The following VPS13B variants were observed in gnomAD, a reference collection of about 807,000 sequenced individuals.
VPS13B encodes intermembrane lipid transfer protein VPS13B.
In VPS13B, 285 loss-of-function variants were observed where a neutral mutation model predicts 426.4. The ratio of observed to expected loss-of-function variants is 0.67; its 90% CI spans 0.61 to 0.74. VPS13B has a LOEUF of 0.74. Among genes scored for constraint, VPS13B ranks in the 30% least tolerant of loss-of-function variants. The pLI, the probability that VPS13B is intolerant of heterozygous loss-of-function variation, is 0.00. For synonymous variants in VPS13B, 1,676 were observed against 1,676.4 expected (o/e 1.00, Z 0.01); for missense variants, 4,537 against 4,782.6 (o/e 0.95, Z 1.51).
intron 3 of VPS13B, among the ~76,000 whole-genome samples, chr8:99,071,083 G>T (rs1844828721): frequency 6.6e-6 from 1 of 152,064 alleles, no homozygotes; most frequent in Non-Finnish European, 1.5e-5. Context: ...CTTCAGGATT[G>T]GTCATTGGTG....
At chr8:99,171,050 C>G (rs973610540) in intron 16 of VPS13B, among the ~76,000 whole-genome samples, 8 of 151,558 alleles carry the variant, frequency 5.3e-5, no homozygotes, top group African/African-American at 1.7e-4. Context: ...AAAATAATCG[C>G]TCATATTTTC....
At chr8:99,439,192 A>G (rs1477916322) in intron 22 of VPS13B, among the ~76,000 whole-genome samples, 6 of 152,180 alleles carry the variant, frequency 3.9e-5, no homozygotes, top group African/African-American at 7.2e-5. Context: ...TTTCATTACC[A>G]TATCTGATGA....
intron 24 of VPS13B, among the ~76,000 whole-genome samples, chr8:99,478,598 C>T (rs528434509): frequency 1.3e-5 from 2 of 151,426 alleles, no homozygotes; most frequent in East Asian, 3.9e-4. Flanking sequence ...CAGGCACCCA[C>T]CACCACACCC....
intron 39 of VPS13B, among the ~76,000 whole-genome samples, chr8:99,730,408 C>T (rs1388839377): frequency 1.3e-5 from 2 of 152,034 alleles, no homozygotes; most frequent in Admixed American, 1.3e-4. Flanking sequence ...GGATCAACTG[C>T]TAAGTGTTTT....
chr8:99,328,392 T>C (rs569599766), intron 19 of VPS13B, among the ~76,000 whole-genome samples: 17 of 152,176 alleles, frequency 1.1e-4, no homozygotes, highest in Non-Finnish European at 2.2e-4. Context: ...CTGTGGGAAC[T>C]ATTACTTTTG....
intron 35 of VPS13B, among the ~76,000 whole-genome samples, chr8:99,678,757 AC>A (rs1435991250): frequency 6.6e-6 from 1 of 152,144 alleles, no homozygotes; most frequent in Non-Finnish European, 1.5e-5. Context: ...TAGCTGGCAT[AC>A]TTCTTTGAAG....
At chr8:99,683,782 G>A (rs1439747151) in intron 35 of VPS13B, among the ~76,000 whole-genome samples, 1 of 152,126 alleles carries the variant, frequency 6.6e-6, no homozygotes, top group Non-Finnish European at 1.5e-5. Flanking sequence ...TTTCAACATG[G>A]ACAATTACGT....
chr8:99,629,029 T>G (rs546916064), intron 33 of VPS13B, among the ~76,000 whole-genome samples: 18 of 152,222 alleles, frequency 1.2e-4, no homozygotes, highest in Non-Finnish European at 2.2e-4. Context: ...CTCCCAAAGA[T>G]CTGGTATTAT....
chr8:99,202,026 G>A (rs1349485643), intron 17 of VPS13B, among the ~76,000 whole-genome samples: 2 of 152,142 alleles, frequency 1.3e-5, no homozygotes, highest in East Asian at 3.8e-4. Flanking sequence ...TGTTGTTCTT[G>A]TCCTAGACAT....
chr8:99,819,484 A>G lies in VPS13B; in HGVS notation c.8694A>G (p.Val2898=), dbSNP rs1482608670. ...TSLIKQIATK[V]HPGGTVNQIL... is the part of the protein sequence containing the mutation. ...TCATTAAGCAAATAGCCACTAAGGTACACCCTGGAGGCACAGTTAATCAGA... is the reference window on the plus strand; with the variant it reads ...TCATTAAGCAAATAGCCACTAAGGTGCACCCTGGAGGCACAGTTAATCAGA... The change falls in exon 48 of 62, where the codon GTA becomes GTG. Residue 2898 remains valine (V), a synonymous_variant. Transcript: ENST00000357162. 1.9e-6 allele frequency: 3 copies of G among 1,613,792 alleles called. No homozygotes were observed. In the African/African-American group the frequency reaches 4.0e-5, roughly 22 times the overall value.
At chr8:99,807,233 T>C (rs561504921) in intron 43 of VPS13B, among the ~76,000 whole-genome samples, 6 of 152,318 alleles carry the variant, frequency 3.9e-5, no homozygotes, top group African/African-American at 1.4e-4. Flanking sequence ...TGACAGCATA[T>C]TCCTTGGTGA....
intron 17 of VPS13B, among the ~76,000 whole-genome samples, chr8:99,273,753 A>T (rs1818738048): frequency 6.6e-6 from 1 of 151,988 alleles, no homozygotes; most frequent in South Asian, 2.1e-4. Context: ...AGATTGCACC[A>T]CTGCACTCCA....
chr8:99,396,542 G>A (rs1196726514), intron 21 of VPS13B, among the ~76,000 whole-genome samples: 1 of 152,058 alleles, frequency 6.6e-6, no homozygotes, highest in Non-Finnish European at 1.5e-5. Context: ...GGCATTGGCA[G>A]TCCTGCAAAT....
At position 99,817,602 on chromosome 8, in the gene VPS13B, C is replaced by A. The variant is rs373348061; in HGVS notation, c.8160C>A (p.Val2720=). ...TGTCTCAAAGCATAGAACTAAAAGT[C>A]GTTCAGCATTACATTGGTCAAGATG... ...SYLSQSIELK[V]VQHYIGQDGQ... Residue 2720 remains valine, a synonymous_variant, in exon 45 of 62, where the codon GTC becomes GTA. Transcript: ENST00000357162. 1.5e-5 allele frequency: 24 copies of A among 1,613,816 alleles called. No homozygotes were observed. The highest frequency in any genetic ancestry group is 1.9e-5 in the Non-Finnish European group (22 of 1,179,978).
chr8:99,226,226 A>G (rs1259460734), intron 17 of VPS13B, among the ~76,000 whole-genome samples: 1 of 152,164 alleles, frequency 6.6e-6, no homozygotes, highest in Admixed American at 6.5e-5. Context: ...TTGCTGTTGC[A>G]CATGCTACTG....
At chr8:99,495,212 A>G (rs1820821993) in intron 25 of VPS13B, among the ~76,000 whole-genome samples, 1 of 152,216 alleles carries the variant, frequency 6.6e-6, no homozygotes, top group African/African-American at 2.4e-5. Flanking sequence ...TTGGAATACT[A>G]ACTCACATTA....
chr8:99,556,383 T>A, intron 30 of VPS13B, 67 bp from the exon 31 acceptor site: 1 of 1,521,148 alleles, frequency 6.6e-7, no homozygotes. Context: ...GTGAACAAAA[T>A]AAACATAGAA....
At chr8:99,735,750 C>T (rs2130435558) in intron 39 of VPS13B, among the ~76,000 whole-genome samples, 1 of 152,278 alleles carries the variant, frequency 6.6e-6, no homozygotes, top group Middle Eastern at 3.4e-3. Context: ...GCCGTGGAGG[C>T]AACAGTGTCA....
At position 99,431,683 on chromosome 8, in the gene VPS13B, ATAT is replaced by A. The variant is rs1217477786; in HGVS notation, c.3210+23_3210+25del. On this transcript the variant is annotated intron_variant, in intron 22 of 61. Transcript: ENST00000357162. ...ACTACAGGTAAAATAAAAGTTAGAA[ATAT>A]TATGGATATAATTTCTATAATCCTT... 8 of 1,607,332 alleles carry A rather than the reference ATAT, an allele frequency of 5.0e-6. No individual in the cohort carries two copies. Among genetic ancestry groups the A allele is most frequent in the Non-Finnish European group, 6.8e-6 (8 of 1,175,926 alleles).
Sources: allele counts gnomAD v4.1 joint callset (sites outside exome capture counted in the v4.1 genomes callset), GRCh38; gene constraint gnomAD v4.1.1; transcripts MANE v1.5; gene names NCBI Gene and HGNC (gene_info 2026-07-23, HGNC 2026-07-21).